C14orf180: variants seen among roughly 807,000 people sequenced by gnomAD.
C14orf180 encodes the protein chromosome 14 open reading frame 180.
Under a neutral mutation model 13.9 loss-of-function variants are expected in C14orf180, and 13 were observed. That is an observed-to-expected ratio of 0.94 (90% CI 0.61 to 1.49). The LOEUF (loss-of-function observed/expected upper bound fraction) is 1.49. Among genes scored for constraint, C14orf180 ranks in the 40% most tolerant of loss-of-function variants. The pLI is 0.00. For missense variants in C14orf180, 238 were observed against 232.0 expected (o/e 1.03, Z -0.17); for synonymous variants, 113 against 106.3 (o/e 1.06, Z -0.39).
chr14:104,587,986 G>A (rs1596290830), intron 3 of C14orf180, 108 bp downstream of exon 3: 1 of 1,381,464 alleles, frequency 7.2e-7, no homozygotes, highest in Middle Eastern at 2.2e-4. Flanking sequence ...GGACATGGGG[G>A]GGCCGTGGCC....
chr14:104,582,124 A>G (rs1164030107), intron 1 of C14orf180, among the ~76,000 whole-genome samples: 1 of 152,136 alleles, frequency 6.6e-6, no homozygotes, highest in East Asian at 1.9e-4. Context: ...ACAGAGAAAC[A>G]TCAGGAGGTG....
chr14:104,585,834 GACAC>G (rs986431993), intron 1 of C14orf180, among the ~76,000 whole-genome samples: 2 of 152,112 alleles, frequency 1.3e-5, no homozygotes, highest in African/African-American at 4.8e-5. Context: ...TGCAGAGAGA[GACAC>G]AGAGAGAGAG....
Position 104,589,017 on chromosome 14 carries a change from GT to G in C14orf180, c.*235del. ...ACAGCCCTCCTGTCTCCTGTGTTGG[GT>G]CCATGTGAGATTTTATTAGAAAGAG... On this transcript the variant is annotated 3_prime_UTR_variant, in exon 5 of 5. Transcript: ENST00000557649. This position sits in a 1 kb window ranked among gnomAD's most constrained non-coding sequence, Gnocchi z 4.9. The G allele has an allele frequency of 1.2e-6, 1 of 836,162 alleles. No homozygotes were observed. Among genetic ancestry groups the G allele is most frequent in the South Asian group, 2.0e-5 (1 of 48,792 alleles). The allele number at this position is 836,162 out of a possible 1,614,324, so 51.8% of individuals were successfully genotyped here.
intron 1 of C14orf180, among the ~76,000 whole-genome samples, chr14:104,580,703 C>G (rs932171272): frequency 2.6e-5 from 4 of 152,012 alleles, no homozygotes; most frequent in African/African-American, 9.7e-5. Flanking sequence ...CTGTCCTGCC[C>G]TGTGTGGCCA....
At chr14:104,583,448 G>A (rs893628724) in intron 1 of C14orf180, among the ~76,000 whole-genome samples, 19 of 152,314 alleles carry the variant, frequency 1.2e-4, no homozygotes, top group Admixed American at 1.0e-3. Context: ...TCGGGTCTGT[G>A]CACTGACTCC....
chr14:104,580,908 C>T (rs1749422096), intron 1 of C14orf180, among the ~76,000 whole-genome samples: 2 of 152,224 alleles, frequency 1.3e-5, no homozygotes, highest in African/African-American at 2.4e-5. Flanking sequence ...AGCCATCACC[C>T]GGTACTGCTG....
Position 104,588,604 on chromosome 14 carries a change from G to A in C14orf180, c.304G>A (p.Gly102Ser), listed in dbSNP as rs370582866. Residue 102 changes from glycine to serine, a missense_variant, in exon 5 of 5, where the codon GGC (glycine) becomes AGC (serine). Transcript: ENST00000557649. The part of the protein sequence containing the change: ...RVPGRPRPHG[G>S]SLLLQLCVCV... The stretch of plus-strand genomic sequence containing the variant: ...GCCCGGCCGGCCCAGGCCACACGGC[G>A]GCTCCCTGCTCCTGCAGCTGTGTGT... 1.9e-5 allele frequency: 28 copies of A among 1,475,048 alleles called. No homozygotes were observed. The highest frequency in any genetic ancestry group is 8.4e-5 in the African/African-American group (6 of 71,242). The allele number at this position is 1,475,048 out of a possible 1,614,324, so 91.4% of individuals were successfully genotyped here.
intron 2 of C14orf180, among the ~76,000 whole-genome samples, chr14:104,587,477 C>T (rs1156258521): frequency 1.3e-5 from 2 of 152,136 alleles, no homozygotes; most frequent in Non-Finnish European, 2.9e-5. Context: ...AGCGGGCAGA[C>T]GAAGAGAGGT....
At chr14:104,580,862 G>A (rs1886410385) in intron 1 of C14orf180, among the ~76,000 whole-genome samples, 1 of 152,200 alleles carries the variant, frequency 6.6e-6, no homozygotes, top group Non-Finnish European at 1.5e-5. Flanking sequence ...TGGAGCTCTC[G>A]AGGCCTAGGG....
chr14:104,586,223 C>A (rs560900581), intron 1 of C14orf180, among the ~76,000 whole-genome samples, 192 bp from the exon 2 acceptor site: 89 of 152,192 alleles, frequency 5.8e-4, no homozygotes, highest in African/African-American at 2.0e-3. Flanking sequence ...CATTTCTGAA[C>A]GAGCAGGGAA....
chr14:104,587,469 C>T (rs887988523), intron 2 of C14orf180, among the ~76,000 whole-genome samples: 16 of 152,294 alleles, frequency 1.1e-4, no homozygotes, highest in South Asian at 2.1e-4. Context: ...TCCGAGACAG[C>T]GGGCAGACGA....
At chr14:104,580,024 G>C (rs1886386427) in intron 1 of C14orf180, 21 bp downstream of exon 1, 1 of 152,386 alleles carries the variant, frequency 6.6e-6, no homozygotes, top group South Asian at 2.1e-4. Flanking sequence ...GCCCCAGGGA[G>C]AGGGGGCTCA....
Position 104,587,880 on chromosome 14 carries a change from T to TCC in C14orf180, c.241+2_241+3insCC. ...AACCCCCAGCGGTGACCGTCCACTG[T>TCC]AAGAGGGCACCCGCAGCAAGCAGCT... On this transcript the variant is annotated splice_region_variant and intron_variant, in intron 3 of 4. Coordinates refer to ENST00000557649, the MANE Select transcript of C14orf180 (RefSeq NM_001008404.3). 1 of 1,601,282 alleles carries TCC rather than the reference T, an allele frequency of 6.2e-7. No homozygotes were observed. The highest frequency in any genetic ancestry group is 8.5e-7 in the Non-Finnish European group (1 of 1,173,132).
chr14:104,587,503 G>C (rs752549236), intron 2 of C14orf180, among the ~76,000 whole-genome samples: 2 of 152,164 alleles, frequency 1.3e-5, no homozygotes, highest in Non-Finnish European at 2.9e-5. Flanking sequence ...GGGGACTTGC[G>C]TGAAGAGACG....
At chr14:104,586,750 G>A (rs1886642253) in intron 2 of C14orf180, among the ~76,000 whole-genome samples, 1 of 152,204 alleles carries the variant, frequency 6.6e-6, no homozygotes, top group South Asian at 2.1e-4. Context: ...GGAGATTGGA[G>A]GCCCCCAGGT....
intron 1 of C14orf180, chr14:104,581,756 C>G (rs1033904025): frequency 6.6e-6 from 1 of 152,654 alleles, no homozygotes; most frequent in African/African-American, 2.4e-5. Context: ...GGAGCCTGGC[C>G]CCCTGTCTCC....
intron 1 of C14orf180, 82 bp from the exon 2 acceptor site, chr14:104,586,333 A>G: frequency 2.0e-6 from 2 of 985,126 alleles, no homozygotes; most frequent in Non-Finnish European, 2.8e-6. Context: ...CTTCCAGGAA[A>G]GAATTTTCTC....
chr14:104,585,953 G>A (rs1672534275), intron 1 of C14orf180, among the ~76,000 whole-genome samples: 1 of 152,152 alleles, frequency 6.6e-6, no homozygotes, highest in African/African-American at 2.4e-5. Context: ...CTGTGGACCC[G>A]GTCTCAGAGC....
At position 104,584,522 on chromosome 14, in the gene C14orf180, G is replaced by C. The variant is rs529660388; in HGVS notation, c.-16-1893G>C. ...ACAGGCAGTCAAGGTTGCCCTGCCA[G>C]GCAGCATCCCCAAAACACCAGGACA... On this transcript the variant is annotated intron_variant, in intron 1 of 4. Transcript: ENST00000557649. Among the ~76,000 whole-genome samples the C allele has an allele frequency of 3.9e-5, 6 of 152,284 alleles. No homozygotes were observed. In the South Asian group the frequency reaches 1.2e-3, roughly 32 times the overall value.
Sources: gnomAD v4.1 joint callset for allele counts (sites outside exome capture counted in the v4.1 genomes callset) on GRCh38, gnomAD v4.1.1 for gene constraint, Gnocchi (gnomAD v3.1) non-coding constraint, MANE v1.5 for transcripts, NCBI Gene and HGNC (gene_info 2026-07-23, HGNC 2026-07-21) for gene names.